Variants in DMD observed in about 807,000 individuals in gnomAD.
The protein encoded by DMD is dystrophin.
DMD carries 63 observed loss-of-function variants against 330.1 expected under a neutral mutation model. The observed-to-expected ratio is 0.19, with a 90% CI of 0.16 to 0.24. DMD has a LOEUF of 0.24. Among genes scored for constraint, DMD ranks in the 10% least tolerant of loss-of-function variants. The probability of loss-of-function intolerance (pLI) is 1.00; values close to 1 mark genes in which losing one functional copy is unlikely to be tolerated. For synonymous variants in DMD, 1,223 were observed against 959.8 expected, an observed-to-expected ratio of 1.27 and a Z score of -5.07; for missense variants, 3,344 against 2,684.1, an observed-to-expected ratio of 1.25 and a Z score of -5.43.
intron 7 of DMD, among the ~76,000 whole-genome samples, chrX:32,777,993 T>TA (rs1022459151): frequency 8.9e-6 from 1 of 111,853 alleles, no homozygotes; most frequent in Non-Finnish European, 1.9e-5. Flanking sequence ...GCAAGAATTC[T>TA]AAAAAACTGA....
At chrX:32,842,413 CAAAA>C (rs889724306) in intron 4 of DMD, among the ~76,000 whole-genome samples, 1 of 111,900 alleles carries the variant, frequency 8.9e-6, no homozygotes, top group Non-Finnish European at 1.9e-5. Flanking sequence ...AACAAACAAA[CAAAA>C]AAACCCACAC....
intron 63 of DMD, among the ~76,000 whole-genome samples, chrX:31,238,673 T>C (rs2047964710): frequency 8.9e-6 from 1 of 112,095 alleles, no homozygotes; most frequent in Admixed American, 9.5e-5. Flanking sequence ...AGACCAAATC[T>C]TTCTGACACT....
At chrX:32,663,830 A>T (rs1439957522) in intron 9 of DMD, among the ~76,000 whole-genome samples, 1 of 111,577 alleles carries the variant, frequency 9.0e-6, no homozygotes. Flanking sequence ...AAGATATGAG[A>T]GAGTAAGTCA....
chrX:32,169,023 G>T (rs968508902), intron 44 of DMD, among the ~76,000 whole-genome samples: 2 of 111,777 alleles, frequency 1.8e-5, no homozygotes, highest in African/African-American at 6.5e-5. Context: ...GTCCTTGATT[G>T]TCCCAGGTGG....
intron 41 of DMD, among the ~76,000 whole-genome samples, chrX:32,324,938 T>C (rs1255112244): frequency 2.7e-5 from 3 of 111,263 alleles, no homozygotes; most frequent in African/African-American, 9.8e-5. Flanking sequence ...CAAAATATAA[T>C]AATCCAGAAA....
chrX:31,344,832 T>TA (rs891223436), intron 61 of DMD, among the ~76,000 whole-genome samples: 5 of 107,946 alleles, frequency 4.6e-5, no homozygotes, highest in African/African-American at 1.4e-4. Context: ...AACAAAAAAA[T>TA]AAAAAAATAA....
chrX:31,215,890 T>C (rs1033053074), intron 64 of DMD, among the ~76,000 whole-genome samples: 4 of 112,351 alleles, frequency 3.6e-5, no homozygotes, highest in African/African-American at 1.3e-4. Flanking sequence ...AAATTGGATA[T>C]GGATGGCTAC....
At chrX:32,238,711 T>G (rs2097197221) in intron 43 of DMD, among the ~76,000 whole-genome samples, 1 of 112,059 alleles carries the variant, frequency 8.9e-6, no homozygotes, top group Admixed American at 9.5e-5. Context: ...TCCTAGAAGT[T>G]TAAAGGAAGT....
intron 29 of DMD, among the ~76,000 whole-genome samples, chrX:32,416,747 C>A (rs2098167600): frequency 9.0e-6 from 1 of 111,475 alleles, no homozygotes; most frequent in African/African-American, 3.3e-5. Flanking sequence ...AAATCCTACT[C>A]AACCTGCCCT....
At chrX:32,618,038 G>C (rs758684191) in intron 11 of DMD, among the ~76,000 whole-genome samples, 1 of 111,838 alleles carries the variant, frequency 8.9e-6, no homozygotes, top group Admixed American at 9.5e-5. Context: ...TACTTGCAAA[G>C]AAAAGGGAAC....
At chrX:33,069,671 T>C (rs1366628696) in intron 1 of DMD, among the ~76,000 whole-genome samples, 2 of 111,642 alleles carry the variant, frequency 1.8e-5, no homozygotes, top group Non-Finnish European at 3.8e-5. Context: ...GAAAAACTCA[T>C]AGGCAATGTA....
chrX:33,106,640 A>G (rs1428970679), intron 1 of DMD, among the ~76,000 whole-genome samples: 2 of 111,654 alleles, frequency 1.8e-5, no homozygotes, highest in East Asian at 5.6e-4. Context: ...TTTCCTCCTC[A>G]TTATTTGCCT....
upstream of DMD, among the ~76,000 whole-genome samples, chrX:33,215,813 G>A (rs1353326827): frequency 9.0e-6 from 1 of 111,693 alleles, no homozygotes; most frequent in Non-Finnish European, 1.9e-5. Context: ...TGTTGACTTA[G>A]TCAAAGATCA....
chrX:31,756,026 C>A (rs2089043635), intron 51 of DMD, among the ~76,000 whole-genome samples: 1 of 111,033 alleles, frequency 9.0e-6, no homozygotes, highest in African/African-American at 3.3e-5. Context: ...GAGAGAGACA[C>A]AGAGAGAGAG....
At chrX:32,737,016 A>T (rs1457761170) in intron 7 of DMD, among the ~76,000 whole-genome samples, 2 of 111,434 alleles carry the variant, frequency 1.8e-5, no homozygotes, top group Admixed American at 1.9e-4. Flanking sequence ...TATATAAAAA[A>T]TTTCTTTAAA....
At chrX:32,857,169 T>TACA (rs2081641322) in intron 2 of DMD, among the ~76,000 whole-genome samples, 1 of 112,321 alleles carries the variant, frequency 8.9e-6, no homozygotes, top group Admixed American at 9.4e-5. Flanking sequence ...GATATGATTA[T>TACA]GCTTCGCATG....
At chrX:31,434,416 GCGCACACA>G (rs1440207581) in intron 60 of DMD, among the ~76,000 whole-genome samples, 8 of 66,384 alleles carry the variant, frequency 1.2e-4, no homozygotes, top group East Asian at 1.2e-3. Context: ...TGCAGCGCGC[GCGCACACA>G]CACACACACA....
rs756642931 is a variant in DMD, at chrX:31,861,948, C to T, written c.7098+13240G>A. ...GAGGACAAGAGTAGAAAATAATATA[C>T]ACACACACACACACACACACACACA... On this transcript the variant is annotated intron_variant, in intron 48 of 78. Transcript: ENST00000357033. 2.2e-4 allele frequency among the ~76,000 whole-genome samples: 22 copies of T among 100,787 alleles called. No homozygotes were observed. In the South Asian group the frequency reaches 9.4e-3, roughly 43 times the overall value. The allele number at this position is 100,787 out of a possible 115,157, so 87.5% of individuals were successfully genotyped here. A position where few individuals can be genotyped will look rare whatever the true frequency, so the allele number is the denominator to read the frequency against.
At chrX:31,131,566 T>C (rs2034504688) in intron 77 of DMD, among the ~76,000 whole-genome samples, 2 of 111,496 alleles carry the variant, frequency 1.8e-5, no homozygotes, top group South Asian at 7.6e-4. Context: ...ATGTCAAAAG[T>C]GTTAAAATGA....
Sources: allele counts gnomAD v4.1 joint callset (sites outside exome capture counted in the v4.1 genomes callset), GRCh38; gene constraint gnomAD v4.1.1; transcripts MANE v1.5; gene names NCBI Gene and HGNC (gene_info 2026-07-23, HGNC 2026-07-21).